Variants in SRL observed in about 807,000 individuals in gnomAD.
SRL encodes the protein sarcalumenin.
Under a neutral mutation model 39.5 loss-of-function variants are expected in SRL, and 23 were observed. The ratio of observed to expected loss-of-function variants is 0.58; its 90% CI spans 0.42 to 0.82. The LOEUF is 0.82. Ranked by LOEUF, SRL falls within the 40% of genes least tolerant of loss-of-function variation. The pLI, the probability that SRL is intolerant of heterozygous loss-of-function variation, is 0.00. For synonymous variants in SRL, 272 were observed against 237.4 expected (o/e 1.15, Z -1.34); for missense variants, 592 against 607.8 (o/e 0.97, Z 0.27).
chr16:4,218,039 G>C (rs1017937198), intron 1 of SRL, among the ~76,000 whole-genome samples: 6 of 152,182 alleles, frequency 3.9e-5, no homozygotes, highest in African/African-American at 1.4e-4. Flanking sequence ...TGGGAACGGA[G>C]CAGGCTGAGC....
intron 1 of SRL, among the ~76,000 whole-genome samples, chr16:4,211,611 C>T (rs111761745): frequency 1.3e-5 from 1 of 78,522 alleles, no homozygotes; most frequent in South Asian, 4.3e-4. Context: ...ATGACCGTGC[C>T]GATGATGAGG....
intron 3 of SRL, among the ~76,000 whole-genome samples, chr16:4,199,609 G>A (rs1467911225): frequency 1.3e-5 from 2 of 150,666 alleles, no homozygotes; most frequent in African/African-American, 4.9e-5. Flanking sequence ...GGGCTCAAGA[G>A]ATCCACCCAC....
At chr16:4,222,923 G>A (rs752226544) in intron 1 of SRL, among the ~76,000 whole-genome samples, 4 of 151,892 alleles carry the variant, frequency 2.6e-5, no homozygotes, top group East Asian at 1.9e-4. Flanking sequence ...GTGAAGCCCC[G>A]TCTCTACTAA....
intron 1 of SRL, among the ~76,000 whole-genome samples, chr16:4,239,370 G>A (rs889736528): frequency 3.3e-5 from 5 of 152,230 alleles, no homozygotes; most frequent in African/African-American, 1.2e-4. Flanking sequence ...AGGGCTGGAG[G>A]TGGAGGAAGG....
chr16:4,216,474 G>A (rs982633165), intron 1 of SRL, among the ~76,000 whole-genome samples: 2 of 152,126 alleles, frequency 1.3e-5, no homozygotes, highest in South Asian at 2.1e-4. Context: ...GTTTCACCAC[G>A]TTTGCCAGGC....
intron 1 of SRL, among the ~76,000 whole-genome samples, chr16:4,225,965 T>A (rs1010792516): frequency 1.3e-5 from 2 of 152,114 alleles, no homozygotes; most frequent in African/African-American, 4.8e-5. Context: ...CCACTCTGGA[T>A]TTGCTCTTCA....
At chr16:4,232,410 G>C (rs1394637829) in intron 1 of SRL, among the ~76,000 whole-genome samples, 1 of 152,210 alleles carries the variant, frequency 6.6e-6, no homozygotes, top group African/African-American at 2.4e-5. Context: ...CAGGGACACA[G>C]GTGGTCACAT....
intron 1 of SRL, among the ~76,000 whole-genome samples, chr16:4,205,733 C>G (rs779593384): frequency 2.0e-5 from 3 of 152,096 alleles, no homozygotes; most frequent in African/African-American, 7.2e-5. Flanking sequence ...GGACCTTCCA[C>G]AGGGCTTTGG....
chr16:4,205,399 G>C (rs897431898), intron 1 of SRL, among the ~76,000 whole-genome samples: 59 of 152,304 alleles, frequency 3.9e-4, no homozygotes, highest in African/African-American at 1.3e-3. Flanking sequence ...CTGGGCAAAA[G>C]AGGGAGACCC....
At chr16:4,212,639 C>G in intron 1 of SRL, among the ~76,000 whole-genome samples, 1 of 152,222 alleles carries the variant, frequency 6.6e-6, no homozygotes, top group Non-Finnish European at 1.5e-5. Flanking sequence ...GGTGGCCCCC[C>G]CGACTCCGGC....
chr16:4,223,388 T>TA (rs138760479), intron 1 of SRL, among the ~76,000 whole-genome samples: 30,508 of 151,138 alleles, frequency 0.2, 3,396 homozygotes, highest in Admixed American at 0.27. Flanking sequence ...ACCTTTTTTT[T>TA]ATTTTAAGAT....
In SRL at chr16:4,192,740, G is replaced by A. The variant is rs746994854; in HGVS notation, c.835C>T (p.Leu279Phe). The change falls in exon 6 of 6, where the codon CTC becomes TTC. Residue 279 changes from leucine to phenylalanine, a missense_variant. Physicochemically the swap from Leu to Phe is conservative, Grantham distance 22 (BLOSUM62 0). Transcript: ENST00000399609. The surrounding 1 kb of genome is among the most constrained non-coding windows in gnomAD (Gnocchi z 4.0). Reference sequence around the variant, plus strand: ...CTTGGGGGCTCTGTGACATTGATGAGAGGGGCCAAGCTCCAGAAGAGGGCC... The same window carrying A: ...CTTGGGGGCTCTGTGACATTGATGAAAGGGGCCAAGCTCCAGAAGAGGGCC... Reference protein sequence around the residue: ...YGALFWSLAPLINVTEPPRVY... With the variant: ...YGALFWSLAPFINVTEPPRVY... 6.2e-7 allele frequency: 1 copy of A among 1,614,204 alleles called. No homozygotes were observed. The highest frequency in any genetic ancestry group is 2.2e-5 in the East Asian group (1 of 44,874).
At chr16:4,229,106 A>G (rs2052630575) in intron 1 of SRL, among the ~76,000 whole-genome samples, 1 of 151,914 alleles carries the variant, frequency 6.6e-6, no homozygotes, top group Non-Finnish European at 1.5e-5. Context: ...GCCTGAATCA[A>G]GAAGATGTGG....
At chr16:4,204,373 C>G (rs1157052560) in intron 2 of SRL, among the ~76,000 whole-genome samples, 160 bp downstream of exon 2, 1 of 74,932 alleles carries the variant, frequency 1.3e-5, no homozygotes, top group Non-Finnish European at 3.3e-5. Context: ...TCAGGGCTCT[C>G]CTCTTCCCCA....
intron 1 of SRL, among the ~76,000 whole-genome samples, chr16:4,228,500 C>T (rs1334193500): frequency 2.0e-5 from 3 of 151,976 alleles, no homozygotes; most frequent in East Asian, 1.9e-4. Flanking sequence ...CTTTGGGAGG[C>T]CGAGGCGGGC....
chr16:4,203,070 T>C (rs2052258339), intron 3 of SRL, 96 bp downstream of exon 3: 2 of 1,057,572 alleles, frequency 1.9e-6, no homozygotes, highest in Non-Finnish European at 1.5e-6. Context: ...CCTGTGTGGG[T>C]ACCGGGAGAG....
At chr16:4,200,130 G>A (rs552538300) in intron 3 of SRL, among the ~76,000 whole-genome samples, 21 of 152,302 alleles carry the variant, frequency 1.4e-4, no homozygotes, top group Admixed American at 9.2e-4. Context: ...GCACATGTAC[G>A]TTGCCTGAAA....
chr16:4,206,682 C>T (rs769425017), intron 1 of SRL: 10 of 456,690 alleles, frequency 2.2e-5, no homozygotes, highest in Non-Finnish European at 4.4e-5. Context: ...AGGGAGAATG[C>T]AGCTGCCCAA....
rs535042055 is a variant in SRL, at chr16:4,189,735, A to C, written c.*2418T>G. ...AACGCAGCCCCCTGAAAATATAAATATTGCATGAATGTATTAGCCTCATCC... is the reference window on the plus strand; with the variant it reads ...AACGCAGCCCCCTGAAAATATAAATCTTGCATGAATGTATTAGCCTCATCC... On this transcript the variant is annotated 3_prime_UTR_variant, in exon 6 of 6. Transcript: ENST00000399609. 2 of 152,388 alleles carry C rather than the reference A, an allele frequency of 1.3e-5. No homozygotes were observed. Among genetic ancestry groups the C allele is most frequent in the South Asian group, 4.1e-4 (2 of 4,828 alleles). The allele number at this position is 152,388 out of a possible 1,614,324, so 9.4% of individuals were successfully genotyped here.
Sources: gnomAD v4.1 joint callset for allele counts (sites outside exome capture counted in the v4.1 genomes callset) on GRCh38, gnomAD v4.1.1 for gene constraint, Gnocchi (gnomAD v3.1) non-coding constraint, MANE v1.5 for transcripts, NCBI Gene and HGNC (gene_info 2026-07-23, HGNC 2026-07-21) for gene names.